The following MIAT variants were observed in gnomAD, a reference collection of about 807,000 sequenced individuals.
The protein encoded by MIAT is myocardial infarction associated transcript, also known as MI related novel mRNA.
At chr22:26,659,805 A>G (rs1435938724) in intron 2 of MIAT, among the ~76,000 whole-genome samples, 1 of 142,956 alleles carries the variant, frequency 7.0e-6, no homozygotes, top group African/African-American at 2.6e-5. Context: ...AGAAAACTCC[A>G]TTTTCTTTTT....
intron 3 of MIAT, chr22:26,663,534 C>T (rs1170193680): frequency 7.6e-6 from 3 of 393,328 alleles, no homozygotes; most frequent in African/African-American, 6.2e-5. Flanking sequence ...TGATGACCCT[C>T]TGGGTTCCAG....
exon 5 of MIAT, chr22:26,676,443 G>A: frequency 5.0e-6 from 2 of 398,534 alleles, no homozygotes; most frequent in Non-Finnish European, 8.8e-6. Context: ...TGTGTAAAAT[G>A]CCATTTTGCT....
rs61442362 is a variant in MIAT at position 26,667,333 on chromosome 22, A to AGTGTGTGTGTGTGTGTGTGT, written n.2262+25_2262+44dup. On this transcript the variant is annotated intron_variant and non_coding_transcript_variant, in intron 5 of 5. Coordinates refer to ENST00000643270, the Ensembl canonical transcript of MIAT. The stretch of plus-strand genomic sequence containing the variant: ...GGGGTGAGCTCCTCGTCCTGGGAGC[A>AGTGTGTGTGTGTGTGTGTGT]GTGTGTGTGTGTGTGTGTGTGCGTG... 2.7e-3 allele frequency: 1,048 copies of AGTGTGTGTGTGTGTGTGTGT among 390,852 alleles called. 7 individuals are homozygous for AGTGTGTGTGTGTGTGTGTGT. Among genetic ancestry groups the AGTGTGTGTGTGTGTGTGTGT allele is most frequent in the African/African-American group, 0.02 (974 of 47,596 alleles). 24.2% of individuals were successfully genotyped at this position (390,852 alleles called of 1,614,324 possible).
At chr22:26,652,655 CCTCT>C (rs1195156762) in intron 2 of MIAT, among the ~76,000 whole-genome samples, 3 of 152,064 alleles carry the variant, frequency 2.0e-5, no homozygotes, top group Admixed American at 2.0e-4. Context: ...TGCGCCTGGC[CCTCT>C]CTCTCTTTTT....
downstream of MIAT, chr22:26,673,319 G>C (rs926674649): frequency 2.5e-5 from 10 of 398,688 alleles, no homozygotes; most frequent in East Asian, 3.6e-4. Context: ...CCTCCAGTAG[G>C]CACCTTGGTT....
chr22:26,660,885 C>T (rs1168954510), intron 2 of MIAT: 1 of 152,200 alleles, frequency 6.6e-6, no homozygotes, highest in African/African-American at 2.4e-5. Context: ...TTTTCTGAGC[C>T]TGTTTCCTCA....
downstream of MIAT, chr22:26,673,109 G>A (rs1354346284): frequency 2.5e-6 from 1 of 398,518 alleles, no homozygotes; most frequent in Non-Finnish European, 4.4e-6. Context: ...GCTTTACCCC[G>A]GGCTCGGAGT....
At chr22:26,657,540 G>A in intron 2 of MIAT, 1 of 398,748 alleles carries the variant, frequency 2.5e-6, no homozygotes, top group Non-Finnish European at 4.4e-6. Context: ...GGCTGCGGAC[G>A]AGTGCGGGGA....
At chr22:26,674,926 G>C (rs1442085509) in exon 5 of MIAT, 6 of 398,738 alleles carry the variant, frequency 1.5e-5, no homozygotes, top group Admixed American at 1.3e-4. Flanking sequence ...CCTAGTGGGA[G>C]AGTTGGTGAA....
At chr22:26,659,917 C>T (rs1006801394) in intron 2 of MIAT, among the ~76,000 whole-genome samples, 34 of 145,768 alleles carry the variant, frequency 2.3e-4, no homozygotes. Context: ...CTCACTGTAA[C>T]CTCCACCTCC....
chr22:26,664,163 C>T (rs1450189044), intron 3 of MIAT, among the ~76,000 whole-genome samples: 1 of 151,972 alleles, frequency 6.6e-6, no homozygotes, highest in Admixed American at 6.6e-5. Flanking sequence ...AGGTGTGCAC[C>T]ACCACACCCG....
intron 3 of MIAT, among the ~76,000 whole-genome samples, chr22:26,663,698 C>T (rs938289133): frequency 3.3e-5 from 5 of 152,138 alleles, no homozygotes; most frequent in African/African-American, 7.2e-5. Context: ...TCTTTCATCA[C>T]ATACAAATGA....
At chr22:26,649,127 GT>G (rs1160089497) in intron 2 of MIAT, among the ~76,000 whole-genome samples, 1 of 152,194 alleles carries the variant, frequency 6.6e-6, no homozygotes, top group Non-Finnish European at 1.5e-5. Flanking sequence ...AGGGCCATGT[GT>G]TTTCTGCACT....
At chr22:26,671,457 A>C (rs1158374185), downstream of MIAT, 1 of 398,760 alleles carries the variant, frequency 2.5e-6, no homozygotes, top group Non-Finnish European at 4.4e-6. Flanking sequence ...GTGGCGTGTG[A>C]CGAGGTGCCT....
intron 1 of MIAT, chr22:26,646,977 G>A (rs926872513): frequency 5.0e-6 from 2 of 398,430 alleles, no homozygotes; most frequent in African/African-American, 4.1e-5. Context: ...CCTGAAAGGG[G>A]ACTGCATTTC....
At position 26,661,961 on chromosome 22, in the gene MIAT, T is replaced by TACAC. The variant is rs1555948831; in HGVS notation, n.647-1345_647-1342dup. Among the ~76,000 whole-genome samples the TACAC allele has an allele frequency of 4.0e-3, 175 of 43,932 alleles. 3 individuals carry two copies. The highest frequency in any genetic ancestry group is 0.013 in the Middle Eastern group (1 of 80). 28.8% of individuals were successfully genotyped at this position (43,932 alleles called of 152,430 possible). On this transcript the variant is annotated intron_variant and non_coding_transcript_variant, in intron 2 of 5. Transcript: ENST00000643270. ...ATATATATATATATATATATATATA[T>TACAC]ACACACACACACATATACATGGATC...
At position 26,664,317 on chromosome 22, in the gene MIAT, C is replaced by T. The variant is rs375335308; in HGVS notation, n.729+919C>T. On this transcript the variant is annotated intron_variant and non_coding_transcript_variant, in intron 3 of 5. Coordinates refer to ENST00000643270, the Ensembl canonical transcript of MIAT. ...CCACTGCGCCCAGCTGAGGCTCATA[C>T]TTCCTGTTGCATGTCTCAGTAGTTC... Among the ~76,000 whole-genome samples, 24 of 152,258 alleles carry T rather than the reference C, an allele frequency of 1.6e-4. No homozygotes were observed. In the East Asian group the frequency reaches 4.1e-3, roughly 26 times the overall value.
At chr22:26,667,084 G>C in intron 4 of MIAT, 1 of 397,970 alleles carries the variant, frequency 2.5e-6, no homozygotes. Context: ...CCAGGTGGCT[G>C]GAATGCTTGC....
At chr22:26,653,750 A>C (rs1158200897) in intron 2 of MIAT, among the ~76,000 whole-genome samples, 1 of 151,978 alleles carries the variant, frequency 6.6e-6, no homozygotes, top group African/African-American at 2.4e-5. Flanking sequence ...TCCCAATTCA[A>C]CCTCCCTTCT....
Sources: allele counts gnomAD v4.1 joint callset (sites outside exome capture counted in the v4.1 genomes callset), GRCh38; gene constraint gnomAD v4.1.1; transcripts MANE v1.5; gene names NCBI Gene and HGNC (gene_info 2026-07-23, HGNC 2026-07-21).